TTLL8: variants seen among roughly 807,000 people sequenced by gnomAD.
TTLL8 encodes the protein protein monoglycylase TTLL8.
Under a neutral mutation model 77.8 loss-of-function variants are expected in TTLL8, and 65 were observed. The ratio of observed to expected loss-of-function variants is 0.84; its 90% CI spans 0.68 to 1.03. The LOEUF (loss-of-function observed/expected upper bound fraction) is 1.03, where lower values mean the gene tolerates loss of function less well. TTLL8 is among the 50% of genes least tolerant of loss of function. The probability of loss-of-function intolerance (pLI) is 0.00; values close to 1 mark genes in which losing one functional copy is unlikely to be tolerated. For missense variants in TTLL8, 910 were observed against 1,004.5 expected, an observed-to-expected ratio of 0.91 and a Z score of 1.27; for synonymous variants, 402 against 422.8, an observed-to-expected ratio of 0.95 and a Z score of 0.60.
rs200383571 is a variant in TTLL8, at chr22:50,030,562, T to C, written c.2071A>G (p.Asn691Asp). Reference sequence around the variant, plus strand: ...GGCTGGGCTACGGGGACACCGGTGTTTGGGGCCTGACTGTCCACGTGGCGA... The same window carrying C: ...GGCTGGGCTACGGGGACACCGGTGTCTGGGGCCTGACTGTCCACGTGGCGA... Residue 691 changes from asparagine to aspartate, a missense_variant, in exon 12 of 14, where the codon AAC becomes GAC. Transcript: ENST00000266182. The C allele has an allele frequency of 3.3e-4, 428 of 1,314,162 alleles. 3 individuals carry two copies. In the African/African-American group the frequency reaches 6.0e-3, roughly 19 times the overall value. 81.4% of individuals were successfully genotyped at this position (1,314,162 alleles called of 1,614,324 possible).
At chr22:50,030,080 T>C (rs755614535) in intron 12 of TTLL8, 7 of 817,406 alleles carry the variant, frequency 8.6e-6, no homozygotes, top group Non-Finnish European at 8.9e-6. Flanking sequence ...GGGAGCTTGG[T>C]GCTGTTCACG....
intron 12 of TTLL8, chr22:50,030,153 A>G (rs1412246028): frequency 1.0e-6 from 1 of 984,562 alleles, no homozygotes; most frequent in Admixed American, 6.1e-5. Flanking sequence ...GTATGGGGAC[A>G]AAGGCGTCAC....
At chr22:50,035,102 G>C (rs1403828173) in intron 8 of TTLL8, among the ~76,000 whole-genome samples, 5 of 152,176 alleles carry the variant, frequency 3.3e-5, no homozygotes, top group Non-Finnish European at 7.3e-5. Flanking sequence ...GTGCACTCCT[G>C]CTGCCCGGAT....
At chr22:50,020,527 C>G (rs920584979) in intron 12 of TTLL8, among the ~76,000 whole-genome samples, 3 of 150,220 alleles carry the variant, frequency 2.0e-5, no homozygotes, top group African/African-American at 7.4e-5. Flanking sequence ...ACTCCTCCAT[C>G]TGATGATGTG....
exon 4 of TTLL8, chr22:50,047,168 C>T (rs2061417718): frequency 7.3e-7 from 1 of 1,367,352 alleles, no homozygotes; most frequent in African/African-American, 1.5e-5. Context: ...GCCGGCTCAC[C>T]TTGGTGGTGA....
chr22:50,033,515 G>A (rs1057026793), intron 9 of TTLL8, 70 bp from the exon 11 acceptor site: 3 of 1,291,730 alleles, frequency 2.3e-6, no homozygotes, highest in Admixed American at 2.1e-5. Flanking sequence ...CCTGAGCCCT[G>A]GGGCAGGGTC....
chr22:50,047,638 C>A (rs2061420917), intron 3 of TTLL8, among the ~76,000 whole-genome samples: 1 of 152,182 alleles, frequency 6.6e-6, no homozygotes, highest in Admixed American at 6.5e-5. Context: ...AGCTTACAGT[C>A]CCCAGGACCG....
At chr22:50,032,088 G>A (rs766668436) in exon 11 of TTLL8, 35 of 1,362,412 alleles carry the variant, frequency 2.6e-5, no homozygotes, top group East Asian at 9.1e-5. Context: ...TCTGGACGGC[G>A]TTGTTGCACA....
intron 8 of TTLL8, among the ~76,000 whole-genome samples, chr22:50,035,207 G>T (rs9617135): frequency 0.49 from 73,764 of 151,766 alleles, 18,622 homozygotes; most frequent in Non-Finnish European, 0.57. Context: ...AGACCTGGTG[G>T]GGACCCCATG....
chr22:50,039,332 G>A (rs1353495042), intron 8 of TTLL8, among the ~76,000 whole-genome samples: 3 of 152,168 alleles, frequency 2.0e-5, no homozygotes, highest in Non-Finnish European at 2.9e-5. Context: ...GATTTAGGCC[G>A]GGTGCAGTGG....
At chr22:50,027,639 A>C in intron 12 of TTLL8, 1 of 985,290 alleles carries the variant, frequency 1.0e-6, no homozygotes, top group Non-Finnish European at 1.2e-6. Flanking sequence ...AACAAGCTCC[A>C]AGGGCCAGCA....
upstream of TTLL8, among the ~76,000 whole-genome samples, chr22:50,058,017 G>T (rs1274362404): frequency 6.6e-6 from 1 of 151,812 alleles, no homozygotes; most frequent in African/African-American, 2.4e-5. This position sits in a 1 kb window ranked among gnomAD's most constrained non-coding sequence, Gnocchi z 4.2. Flanking sequence ...GAGGCCCGGG[G>T]CGGGGAGGGG....
At chr22:50,045,590 C>T (rs1293543213) in intron 5 of TTLL8, among the ~76,000 whole-genome samples, 1 of 152,194 alleles carries the variant, frequency 6.6e-6, no homozygotes, top group Non-Finnish European at 1.5e-5. Context: ...AGCTGCACCC[C>T]TCGGCCTCCG....
At chr22:50,055,368 C>G (rs1453520576), upstream of TTLL8, 1 of 1,282,326 alleles carries the variant, frequency 7.8e-7, no homozygotes, top group East Asian at 5.6e-5. Context: ...GACAAGGCAT[C>G]CAAGGCCAGG....
chr22:50,055,296 C>A, upstream of TTLL8: 1 of 1,289,970 alleles, frequency 7.8e-7, no homozygotes, highest in East Asian at 5.6e-5. Context: ...GAGGAAGAAG[C>A]CAAGTCTTGG....
chr22:50,043,356 C>T (rs1227522703), intron 6 of TTLL8, among the ~76,000 whole-genome samples: 8 of 124,034 alleles, frequency 6.4e-5, no homozygotes, highest in African/African-American at 1.9e-4. Flanking sequence ...TACCGAGACA[C>T]CCTTCGGTAG....
intron 12 of TTLL8, chr22:50,027,630 A>G (rs1446528647): frequency 2.0e-6 from 2 of 985,280 alleles, no homozygotes; most frequent in East Asian, 2.3e-4. Context: ...TCTTAAGCCA[A>G]CAAGCTCCAA....
At chr22:50,057,717 G>A (rs1427399531), upstream of TTLL8, among the ~76,000 whole-genome samples, 2 of 148,922 alleles carry the variant, frequency 1.3e-5, no homozygotes, top group Admixed American at 1.3e-4. Context: ...CTGGGTTGGG[G>A]GTCAGGTCTG....
chr22:50,042,856 T>C (rs905236836), intron 6 of TTLL8, among the ~76,000 whole-genome samples: 1 of 152,202 alleles, frequency 6.6e-6, no homozygotes, highest in African/African-American at 2.4e-5. Flanking sequence ...GGCGAGGATG[T>C]GGAGAACAGG....
Sources: allele counts gnomAD v4.1 joint callset (sites outside exome capture counted in the v4.1 genomes callset), GRCh38; gene constraint gnomAD v4.1.1; non-coding constraint Gnocchi (gnomAD v3.1); transcripts MANE v1.5; gene names NCBI Gene and HGNC (gene_info 2026-07-23, HGNC 2026-07-21).